PBX3: variants seen among roughly 807,000 people sequenced by gnomAD.
PBX3 encodes pre-B-cell leukemia transcription factor 3.
A neutral mutation model predicts 48.5 loss-of-function variants in PBX3; 14 were observed. That is an observed-to-expected ratio of 0.29 (90% CI 0.19 to 0.45). The LOEUF is 0.45. Ranked by LOEUF, PBX3 falls within the 20% of genes least tolerant of loss-of-function variation. The probability of loss-of-function intolerance (pLI) is 1.00; values close to 1 mark genes in which losing one functional copy is unlikely to be tolerated. For missense variants in PBX3, 386 were observed against 546.7 expected (o/e 0.71, Z 2.93); for synonymous variants, 210 against 200.3 (o/e 1.05, Z -0.41).
intron 2 of PBX3, among the ~76,000 whole-genome samples, chr9:125,867,999 C>T (rs1380423005): frequency 1.3e-5 from 2 of 152,168 alleles, no homozygotes; most frequent in African/African-American, 2.4e-5. Context: ...CCTCAGCCTT[C>T]CCAGTAGCTG....
At chr9:125,818,492 GC>G (rs1475973203) in intron 2 of PBX3, among the ~76,000 whole-genome samples, 2 of 151,434 alleles carry the variant, frequency 1.3e-5, no homozygotes, top group Non-Finnish European at 2.9e-5. Context: ...GTGCCACCAC[GC>G]CCGGCTAATT....
At chr9:125,862,186 G>A (rs1025675261) in intron 2 of PBX3, among the ~76,000 whole-genome samples, 3 of 152,114 alleles carry the variant, frequency 2.0e-5, no homozygotes, top group African/African-American at 7.2e-5. Flanking sequence ...GTTTTTCCTG[G>A]TGGCGTTACT....
rs1564634614 is a variant in PBX3 at position 125,747,380 on chromosome 9, C to T, written c.-74C>T. The T allele has an allele frequency of 9.1e-6, 8 of 883,070 alleles. No homozygotes were observed. Among genetic ancestry groups the T allele is most frequent in the Middle Eastern group, 3.9e-4 (1 of 2,548 alleles). 54.7% of individuals were successfully genotyped at this position (883,070 alleles called of 1,614,324 possible). A position where few individuals can be genotyped will look rare whatever the true frequency, so the allele number is the denominator to read the frequency against. On this transcript the variant is annotated 5_prime_UTR_variant, in exon 1 of 9. Transcript: ENST00000373489. ...CCCCTCCCCCTCTTTCTTCTCCTCC[C>T]TCGTCGCCGCCGCCGCCGCCGCCGC...
chr9:125,804,643 G>A lies in PBX3; in HGVS notation c.274+56020G>A, dbSNP rs958054822. Among the ~76,000 whole-genome samples, 6 of 152,120 alleles carry A rather than the reference G, an allele frequency of 3.9e-5. No homozygotes were observed. The East Asian group carries it at 5.8e-4, about 15-fold the overall frequency. ...CACTGTGCTAGACTTAAGGAAAAGC[G>A]CAATAAAGAAGACAGGTGGGCGTGG... is the stretch of plus-strand genomic sequence containing the variant. On this transcript the variant is annotated intron_variant, in intron 2 of 8. Coordinates refer to ENST00000373489, the MANE Select transcript of PBX3 (RefSeq NM_006195.6).
At chr9:125,940,134 A>G (rs1020583422) in intron 5 of PBX3, among the ~76,000 whole-genome samples, 1 of 152,144 alleles carries the variant, frequency 6.6e-6, no homozygotes. Context: ...GGGTGAGCCA[A>G]GATCGTGCCA....
intron 2 of PBX3, among the ~76,000 whole-genome samples, chr9:125,899,349 ATT>A (rs1231395296): frequency 1.0e-5 from 1 of 98,190 alleles, no homozygotes; most frequent in South Asian, 2.7e-4. Flanking sequence ...ATATGTATAT[ATT>A]TTTATATAAA....
chr9:125,966,139 C>T lies in PBX3; in HGVS notation c.*216C>T. 2 of 417,998 alleles carry T rather than the reference C, an allele frequency of 4.8e-6. No individual in the cohort carries two copies. Among genetic ancestry groups the T allele is most frequent in the Non-Finnish European group, 4.3e-6 (1 of 233,562 alleles). The allele number at this position is 417,998 out of a possible 1,614,324, so 25.9% of individuals were successfully genotyped here. A position where few individuals can be genotyped will look rare whatever the true frequency, so the allele number is the denominator to read the frequency against. The stretch of plus-strand genomic sequence containing the variant: ...GTTAAAAAAAATAAAGCACTTTATC[C>T]AATTAGGCCAAGATTTAACATTGTT... On this transcript the variant is annotated 3_prime_UTR_variant, in exon 9 of 9. Transcript: ENST00000373489.
At chr9:125,808,299 A>G (rs1391086238) in intron 2 of PBX3, among the ~76,000 whole-genome samples, 1 of 152,174 alleles carries the variant, frequency 6.6e-6, no homozygotes, top group African/African-American at 2.4e-5. Context: ...ACTTGACAGA[A>G]TCCAAACTGA....
intron 2 of PBX3, among the ~76,000 whole-genome samples, chr9:125,760,072 C>G (rs1249046078): frequency 6.6e-6 from 1 of 152,200 alleles, no homozygotes; most frequent in Non-Finnish European, 1.5e-5. Context: ...AACTCTGCAA[C>G]TCTTCCATTC....
chr9:125,863,141 G>A (rs936311388), intron 2 of PBX3, among the ~76,000 whole-genome samples: 1 of 151,642 alleles, frequency 6.6e-6, no homozygotes, highest in Non-Finnish European at 1.5e-5. Flanking sequence ...CCAGTGATCT[G>A]CTTGCTTCTG....
intron 2 of PBX3, among the ~76,000 whole-genome samples, chr9:125,753,532 C>T (rs1003517791): frequency 6.6e-6 from 1 of 151,902 alleles, no homozygotes; most frequent in Non-Finnish European, 1.5e-5. Flanking sequence ...ATTTTCCAAT[C>T]CTGTTCTTTA....
At chr9:125,860,319 A>T (rs1839830592) in intron 2 of PBX3, among the ~76,000 whole-genome samples, 2 of 152,186 alleles carry the variant, frequency 1.3e-5, no homozygotes, top group Non-Finnish European at 2.9e-5. Flanking sequence ...CATGTGGCCA[A>T]CCCCAAGGGG....
intron 2 of PBX3, among the ~76,000 whole-genome samples, chr9:125,788,379 G>A (rs534853713): frequency 1.3e-5 from 2 of 152,290 alleles, no homozygotes; most frequent in South Asian, 2.1e-4. Flanking sequence ...CAGTGGTGTC[G>A]TGGGAAGGAC....
intron 2 of PBX3, among the ~76,000 whole-genome samples, chr9:125,840,069 A>C (rs976843403): frequency 6.6e-6 from 1 of 152,076 alleles, no homozygotes; most frequent in Non-Finnish European, 1.5e-5. Flanking sequence ...GATTTTTAAA[A>C]ATGTTTTTCA....
chr9:125,806,102 G>C (rs1323196978), intron 2 of PBX3, among the ~76,000 whole-genome samples: 1 of 152,148 alleles, frequency 6.6e-6, no homozygotes, highest in Non-Finnish European at 1.5e-5. Flanking sequence ...TGTTTAATAG[G>C]TGACTAGAGA....
At chr9:125,868,734 C>T (rs1317738734) in intron 2 of PBX3, among the ~76,000 whole-genome samples, 2 of 152,126 alleles carry the variant, frequency 1.3e-5, no homozygotes, top group African/African-American at 4.8e-5. Context: ...TTAGCGATAC[C>T]CTACATTCAG....
At chr9:125,776,280 T>G (rs542249377) in intron 2 of PBX3, among the ~76,000 whole-genome samples, 54 of 152,312 alleles carry the variant, frequency 3.5e-4, no homozygotes, top group African/African-American at 1.1e-3. Flanking sequence ...ATTTCTAGTT[T>G]TCTGAGTGTT....
At chr9:125,748,857 TCGG>T in intron 2 of PBX3, 1 of 349,726 alleles carries the variant, frequency 2.9e-6, no homozygotes, top group Non-Finnish European at 5.2e-6. Context: ...TCGCCGTCCC[TCGG>T]CGGCCGCCCC....
At chr9:125,946,402 CA>C (rs1409905401) in intron 5 of PBX3, among the ~76,000 whole-genome samples, 1 of 151,736 alleles carries the variant, frequency 6.6e-6, no homozygotes, top group Non-Finnish European at 1.5e-5. Flanking sequence ...CCAGCAGAAA[CA>C]ACAGACAATA....
Sources: allele counts gnomAD v4.1 joint callset (sites outside exome capture counted in the v4.1 genomes callset), GRCh38; gene constraint gnomAD v4.1.1; transcripts MANE v1.5; gene names NCBI Gene and HGNC (gene_info 2026-07-23, HGNC 2026-07-21).